The following KIAA1210 variants were observed in gnomAD, a reference collection of about 807,000 sequenced individuals.
KIAA1210 encodes the protein KIAA1210, also known as acrosomal protein KIAA1210.
A neutral mutation model predicts 78.9 loss-of-function variants in KIAA1210; 48 were observed. That is an observed-to-expected ratio of 0.61 (90% confidence interval 0.48 to 0.77). KIAA1210 has a LOEUF of 0.77. KIAA1210 is among the 30% of genes least tolerant of loss of function. KIAA1210 has a pLI of 0.00. For synonymous variants in KIAA1210, 406 were observed against 404.5 expected (o/e 1.00, Z -0.04); for missense variants, 1,108 against 1,100.0 (o/e 1.01, Z -0.10).
Position 119,107,153 on chromosome X carries a change from G to A in KIAA1210, c.492+1184C>T, listed in dbSNP as rs73637832. Among the ~76,000 whole-genome samples the A allele has an allele frequency of 4.0e-3, 453 of 112,834 alleles. 1 individual carries two copies. The highest frequency in any genetic ancestry group is 0.014 in the African/African-American group (431 of 31,085). ...TCCAGGGTATCAACTAAGGGATCAG[G>A]CCAAAAGTGTGAGGTATAGGCCCAA... On this transcript the variant is annotated intron_variant, in intron 5 of 11. Coordinates refer to ENST00000691062, the MANE Select transcript of KIAA1210 (RefSeq NM_001394962.1).
In KIAA1210 at chrX:119,115,347, C is replaced by T. The variant is rs555361897; in HGVS notation, c.230+1149G>A. 2.9e-4 allele frequency among the ~76,000 whole-genome samples: 32 copies of T among 111,259 alleles called. No homozygotes were observed. The East Asian group carries it at 6.2e-3, about 22-fold the overall frequency. On this transcript the variant is annotated intron_variant, in intron 3 of 11. Coordinates refer to ENST00000691062, the MANE Select transcript of KIAA1210 (RefSeq NM_001394962.1). ...GCAGAGATAGTAAACCTGAATGCCCCTCCCTGACCTCCCCCTGGGTTTTAG... is the reference window on the plus strand; with the variant it reads ...GCAGAGATAGTAAACCTGAATGCCCTTCCCTGACCTCCCCCTGGGTTTTAG...
Position 119,081,408 on chromosome X carries a change from T to G in KIAA1210, c.4523A>C (p.Glu1508Ala). 1.7e-6 allele frequency: 2 copies of G among 1,210,622 alleles called. No homozygotes were observed. Among genetic ancestry groups the G allele is most frequent in the South Asian group, 3.5e-5 (2 of 56,857 alleles). Residue 1508 changes from glutamate to alanine, a missense_variant, in exon 12 of 12, where the codon GAG (glutamate) becomes GCG (alanine). Around this residue, in one of 5 missense-constraint regions of KIAA1210, gnomAD observed 245 missense variants for 278.8 expected, o/e 0.88. Coordinates refer to ENST00000691062, the MANE Select transcript of KIAA1210 (RefSeq NM_001394962.1). Reference protein sequence around the residue: ...TLPAKFQNPVEPIEPVWFSLA... With the variant: ...TLPAKFQNPVAPIEPVWFSLA... ...TGAGAACCAGACAGGCTCAATTGGC[T>G]CAACTGGGTTCTGGAACTTGGCTGG...
rs5956104 is a variant in KIAA1210 at position 119,138,790 on chromosome X, C to T, written c.410+8683G>A. On this transcript the variant is annotated intron_variant, in intron 2 of 13. Coordinates refer to the KIAA1210 transcript ENST00000402510. ...TCTCTAAACTTCAGGCACAAGAATC[C>T]CTAGTCAGAATGACCTAGGAAAAAG... Among the ~76,000 whole-genome samples the T allele has an allele frequency of 9.8e-3, 1,089 of 111,340 alleles. 19 individuals carry two copies. The highest frequency in any genetic ancestry group is 0.033 in the African/African-American group (1,024 of 30,581).
At chrX:119,089,855 G>C in intron 8 of KIAA1210, 109 bp from the exon 9 acceptor site, 1 of 716,468 alleles carries the variant, frequency 1.4e-6, no homozygotes, top group Non-Finnish European at 2.0e-6. Flanking sequence ...AAATTTCCTA[G>C]TATGAGGAAG....
rs1927786293 is a variant in KIAA1210, at chrX:119,103,155, A to G, written c.648+1837T>C. Reference sequence around the variant, plus strand: ...GGAGAAAGGCACAGACCTGCCTCCCAGGTGCACATCCTTAACCATGGCAAA... The same window carrying G: ...GGAGAAAGGCACAGACCTGCCTCCCGGGTGCACATCCTTAACCATGGCAAA... On this transcript the variant is annotated intron_variant, in intron 6 of 11. Transcript: ENST00000691062. Among the ~76,000 whole-genome samples the G allele has an allele frequency of 5.4e-5, 6 of 112,074 alleles. No homozygotes were observed. In the South Asian group the frequency reaches 1.9e-3, roughly 35 times the overall value.
chrX:119,119,489 C>T (rs909670666), intron 2 of KIAA1210, among the ~76,000 whole-genome samples: 38 of 112,031 alleles, frequency 3.4e-4, no homozygotes, highest in African/African-American at 1.2e-3. Context: ...AAATAGGAAA[C>T]GTATATTTTC....
At chrX:119,097,076 A>G (rs1286647950) in intron 6 of KIAA1210, among the ~76,000 whole-genome samples, 2 of 111,886 alleles carry the variant, frequency 1.8e-5, no homozygotes, top group African/African-American at 6.5e-5. Context: ...AACAATTGGT[A>G]TCAGTGAAAC....
chrX:119,144,551 T>C (rs750210835), intron 2 of KIAA1210, among the ~76,000 whole-genome samples: 1 of 111,819 alleles, frequency 8.9e-6, no homozygotes, highest in African/African-American at 3.2e-5. Flanking sequence ...CAAAGAGGCA[T>C]GGGGACATGA....
At chrX:119,122,468 T>C (rs1434489516) in intron 2 of KIAA1210, among the ~76,000 whole-genome samples, 1 of 112,315 alleles carries the variant, frequency 8.9e-6, no homozygotes. Flanking sequence ...CTTCTAAAAC[T>C]GTACTCAAAT....
chrX:119,089,736 G>C lies in KIAA1210; in HGVS notation c.966C>G (p.Ser322Arg), dbSNP rs1194363369. The C allele has an allele frequency of 8.3e-7, 1 of 1,198,169 alleles. No individual in the cohort carries two copies. The highest frequency in any genetic ancestry group is 3.0e-5 in the East Asian group (1 of 33,769). The stretch of plus-strand genomic sequence containing the variant: ...TCTCAGTTTTGTTGTTCTGTTTCTG[G>C]CTTGAGGAATCTGCACCAAACAGAA... ...KLGMDSADSS[S>R]QKQNNKTEMY... is the part of the protein sequence containing the mutation. The change falls in exon 9 of 12, where the codon AGC becomes AGG. Residue 322 changes from serine (S) to arginine (R), a missense_variant. Ser to Arg is a moderately radical substitution (Grantham distance 110, BLOSUM62 -1). Transcript: ENST00000691062.
chrX:119,095,631 G>A (rs781146170), intron 7 of KIAA1210, among the ~76,000 whole-genome samples: 3 of 111,757 alleles, frequency 2.7e-5, no homozygotes, highest in East Asian at 5.6e-4. Flanking sequence ...CAGGTGATCC[G>A]CCCGCCTTGG....
At chrX:119,116,782 C>T (rs1234647973) in intron 2 of KIAA1210, 118 bp from the exon 3 acceptor site, 6 of 606,674 alleles carry the variant, frequency 9.9e-6, no homozygotes, top group Middle Eastern at 4.9e-4. Context: ...TCCTGCAGAG[C>T]TTGGACTCAA....
At chrX:119,119,999 AG>A (rs1299880614) in intron 2 of KIAA1210, among the ~76,000 whole-genome samples, 1 of 64,919 alleles carries the variant, frequency 1.5e-5, no homozygotes, top group East Asian at 5.8e-4. Context: ...AAAAAAAGAA[AG>A]AAAGAAAAGA....
At chrX:119,147,740 G>A in intron 1 of KIAA1210, 1 of 586,297 alleles carries the variant, frequency 1.7e-6, no homozygotes. Context: ...CAGAGGCCTG[G>A]AGAAGACAGG....
At chrX:119,094,287 A>G (rs966849596) in intron 7 of KIAA1210, among the ~76,000 whole-genome samples, 4 of 111,945 alleles carry the variant, frequency 3.6e-5, no homozygotes, top group Non-Finnish European at 7.5e-5. Context: ...GTTGGGAGGG[A>G]AAGGAGAAAA....
At chrX:119,129,889 C>G (rs1285500736), upstream of KIAA1210, among the ~76,000 whole-genome samples, 3 of 111,902 alleles carry the variant, frequency 2.7e-5, no homozygotes, top group Admixed American at 1.9e-4. Flanking sequence ...ATTTCCTTCC[C>G]AAGTGTCTCC....
intron 3 of KIAA1210, among the ~76,000 whole-genome samples, chrX:119,114,566 A>G (rs1389662733): frequency 8.9e-6 from 1 of 112,428 alleles, no homozygotes; most frequent in African/African-American, 3.2e-5. Context: ...CTGCTGCTCT[A>G]TGATCTACTG....
chrX:119,149,779 T>C (rs1929249462), intron 1 of KIAA1210, among the ~76,000 whole-genome samples: 1 of 111,651 alleles, frequency 9.0e-6, no homozygotes, highest in African/African-American at 3.3e-5. Context: ...TTGTACAGCT[T>C]GGAATAAGTT....
chrX:119,081,581 A>G, intron 11 of KIAA1210, 77 bp from the exon 12 acceptor site: 2 of 990,020 alleles, frequency 2.0e-6, no homozygotes, highest in Non-Finnish European at 1.4e-6. Flanking sequence ...GGAATGCCAT[A>G]TAATGTTTCC....
Sources: allele counts gnomAD v4.1 joint callset (sites outside exome capture counted in the v4.1 genomes callset), GRCh38; gene constraint gnomAD v4.1.1; regional missense constraint gnomAD v4.1.1; transcripts MANE v1.5; gene names NCBI Gene and HGNC (gene_info 2026-07-23, HGNC 2026-07-21).